NAALADL2: variants seen among roughly 807,000 people sequenced by gnomAD.
The protein encoded by NAALADL2 is inactive N-acetylated-alpha-linked acidic dipeptidase-like protein 2.
A neutral mutation model predicts 87.2 loss-of-function variants in NAALADL2; 76 were observed. The ratio of observed to expected loss-of-function variants is 0.87; its 90% CI spans 0.72 to 1.05. The LOEUF (loss-of-function observed/expected upper bound fraction) is 1.05, where lower values mean the gene tolerates loss of function less well. Among genes scored for constraint, NAALADL2 ranks in the 50% least tolerant of loss-of-function variants. NAALADL2 has a pLI of 0.00. For synonymous variants in NAALADL2, 354 were observed against 331.0 expected, an observed-to-expected ratio of 1.07 and a Z score of -0.75; for missense variants, 1,089 against 945.8, an observed-to-expected ratio of 1.15 and a Z score of -1.99.
chr3:174,748,718 G>C (rs1170209083), intron 3 of NAALADL2, among the ~76,000 whole-genome samples: 1 of 152,122 alleles, frequency 6.6e-6, no homozygotes, highest in Non-Finnish European at 1.5e-5. Flanking sequence ...GAGCCACTAA[G>C]AACCAGGGTG....
intron 10 of NAALADL2, among the ~76,000 whole-genome samples, chr3:175,590,470 A>G (rs927002333): frequency 1.3e-5 from 2 of 151,918 alleles, no homozygotes; most frequent in African/African-American, 4.8e-5. Flanking sequence ...GGTTACTTTG[A>G]GGACTTATCA....
chr3:175,505,184 G>A (rs1462089422), intron 9 of NAALADL2, among the ~76,000 whole-genome samples: 2 of 151,636 alleles, frequency 1.3e-5, no homozygotes, highest in African/African-American at 4.9e-5. Flanking sequence ...AGGATTGCTT[G>A]AGCTCAGGAG....
chr3:174,771,303 T>C (rs1012988208), intron 3 of NAALADL2, among the ~76,000 whole-genome samples: 1 of 152,114 alleles, frequency 6.6e-6, no homozygotes, highest in African/African-American at 2.4e-5. Flanking sequence ...CCACTGTATC[T>C]GAGGAGTTAG....
At position 174,821,676 on chromosome 3, in the gene NAALADL2, C is replaced by T. The variant is rs146121455; in HGVS notation, c.-9+83930C>T. 1.9e-3 allele frequency among the ~76,000 whole-genome samples: 287 copies of T among 152,282 alleles called. 1 individual carries two copies. The highest frequency in any genetic ancestry group is 5.9e-3 in the African/African-American group (245 of 41,556). ...GGACTCAGTGGTTGTCAGCTGACTT[C>T]AGAAGCTTATGGTAGAACTTCTGGT... On this transcript the variant is annotated intron_variant, in intron 3 of 3. Transcript: ENST00000434257.
At chr3:174,836,671 A>AGCACTCCAGCCTGGG (rs1237982241) in intron 3 of NAALADL2, among the ~76,000 whole-genome samples, 1 of 139,276 alleles carries the variant, frequency 7.2e-6, no homozygotes, top group Non-Finnish European at 1.5e-5. Context: ...ATCGCGCCAC[A>AGCACTCCAGCCTGGG]GCACTCCAGC....
chr3:174,706,957 A>G (rs907943640), intron 2 of NAALADL2, among the ~76,000 whole-genome samples: 1 of 152,198 alleles, frequency 6.6e-6, no homozygotes, highest in African/African-American at 2.4e-5. Flanking sequence ...TACAAGAGAA[A>G]AACAACCCCA....
intron 11 of NAALADL2, among the ~76,000 whole-genome samples, chr3:175,650,579 G>A (rs186972684): frequency 1.6e-4 from 24 of 152,210 alleles, no homozygotes; most frequent in African/African-American, 5.3e-4. Context: ...CTATCAAAGT[G>A]AAATTCTTGC....
chr3:175,319,413 T>C (rs1395214526), intron 4 of NAALADL2, among the ~76,000 whole-genome samples: 1 of 152,228 alleles, frequency 6.6e-6, no homozygotes, highest in East Asian at 1.9e-4. Context: ...TTAAATTCTA[T>C]ATCTGTTTCT....
intron 13 of NAALADL2, among the ~76,000 whole-genome samples, chr3:175,791,610 G>T (rs1002405864): frequency 6.6e-6 from 1 of 152,050 alleles, no homozygotes; most frequent in Non-Finnish European, 1.5e-5. Context: ...GTGGCAGTGG[G>T]GGTATCTCAA....
chr3:175,730,409 T>TATATATATATATAG (rs1743537190), intron 11 of NAALADL2, among the ~76,000 whole-genome samples: 1 of 81,080 alleles, frequency 1.2e-5, no homozygotes, highest in African/African-American at 5.9e-5. Flanking sequence ...TATATATATA[T>TATATATATATATAG]ATATATATAT....
intron 2 of NAALADL2, among the ~76,000 whole-genome samples, chr3:174,685,408 C>G (rs1727938612): frequency 6.6e-6 from 1 of 152,150 alleles, no homozygotes; most frequent in Admixed American, 6.6e-5. Flanking sequence ...CAATTCTTAC[C>G]ACCAACTGCT....
intron 1 of NAALADL2, among the ~76,000 whole-genome samples, chr3:175,077,267 G>A (rs954317528): frequency 5.3e-5 from 8 of 152,150 alleles, no homozygotes; most frequent in African/African-American, 1.7e-4. Flanking sequence ...AACGATTGGA[G>A]AGACCCTAGA....
intron 3 of NAALADL2, among the ~76,000 whole-genome samples, chr3:175,236,203 A>G (rs1745823324): frequency 6.6e-6 from 1 of 152,082 alleles, no homozygotes; most frequent in African/African-American, 2.4e-5. Flanking sequence ...TGAACCCTTC[A>G]ATAACAATTT....
intron 1 of NAALADL2, among the ~76,000 whole-genome samples, chr3:175,048,556 A>C (rs1236682615): frequency 7.2e-5 from 11 of 151,896 alleles, no homozygotes; most frequent in Non-Finnish European, 1.5e-4. Context: ...AATTAAAGGA[A>C]AGAGGAAAGG....
chr3:174,673,146 C>T (rs755460365), intron 2 of NAALADL2, among the ~76,000 whole-genome samples: 1 of 152,012 alleles, frequency 6.6e-6, no homozygotes, highest in Admixed American at 6.6e-5. Flanking sequence ...ATACTTTCAG[C>T]TGGAATAATT....
intron 1 of NAALADL2, among the ~76,000 whole-genome samples, chr3:175,084,706 C>T (rs1429027912): frequency 6.6e-6 from 1 of 151,948 alleles, no homozygotes; most frequent in African/African-American, 2.4e-5. Context: ...CGCATTTAGT[C>T]AAACATTTCT....
rs150631037 is a variant in NAALADL2, at chr3:175,227,122, G to A, written c.546-6809G>A. Among the ~76,000 whole-genome samples the A allele has an allele frequency of 3.2e-3, 494 of 152,074 alleles. 4 individuals are homozygous for A. The highest frequency in any genetic ancestry group is 0.011 in the African/African-American group (473 of 41,510). ...ATAAATGTGCTGATTTTTTCCATGT[G>A]TACTTCTAGTTCATCGTTCTTTAGA... is the stretch of plus-strand genomic sequence containing the variant. On this transcript the variant is annotated intron_variant, in intron 2 of 13. Transcript: ENST00000454872.
At chr3:174,768,294 TA>T (rs1714106513) in intron 3 of NAALADL2, among the ~76,000 whole-genome samples, 1 of 152,172 alleles carries the variant, frequency 6.6e-6, no homozygotes, top group Non-Finnish European at 1.5e-5. Context: ...GGATAATATA[TA>T]ATAATATCTT....
intron 4 of NAALADL2, among the ~76,000 whole-genome samples, chr3:175,293,652 T>G (rs947221304): frequency 1.3e-5 from 2 of 152,130 alleles, no homozygotes; most frequent in African/African-American, 4.8e-5. Flanking sequence ...AATGCCCTTA[T>G]TAAAGATACC....
Sources: allele counts gnomAD v4.1 joint callset (sites outside exome capture counted in the v4.1 genomes callset), GRCh38; gene constraint gnomAD v4.1.1; transcripts MANE v1.5; gene names NCBI Gene and HGNC (gene_info 2026-07-23, HGNC 2026-07-21).